Variants in NRXN1 observed in about 807,000 individuals in gnomAD.
The protein encoded by NRXN1 is neurexin-1.
A neutral mutation model predicts 150.9 loss-of-function variants in NRXN1; 39 were observed. The observed-to-expected ratio is 0.26, with a 90% CI of 0.20 to 0.34. The LOEUF (loss-of-function observed/expected upper bound fraction) is 0.34. Ranked by LOEUF, NRXN1 falls within the 10% of genes least tolerant of loss-of-function variation. The pLI, the probability that NRXN1 is intolerant of heterozygous loss-of-function variation, is 1.00. For missense variants in NRXN1, 1,815 were observed against 1,949.9 expected (o/e 0.93, Z 1.30); for synonymous variants, 924 against 757.0 (o/e 1.22, Z -3.62).
intron 17 of NRXN1, among the ~76,000 whole-genome samples, chr2:50,450,396 G>C (rs1205322244): frequency 6.6e-6 from 1 of 151,160 alleles, no homozygotes; most frequent in Non-Finnish European, 1.5e-5. Flanking sequence ...TTAAACACCA[G>C]GCATGGTTGG....
intron 5 of NRXN1, among the ~76,000 whole-genome samples, chr2:50,700,678 T>C (rs1375888499): frequency 1.3e-5 from 2 of 148,998 alleles, no homozygotes; most frequent in South Asian, 2.2e-4. Context: ...GTAGGGCATA[T>C]CTTGGAGTTA....
chr2:50,833,258 G>T (rs991600508), intron 5 of NRXN1, among the ~76,000 whole-genome samples: 1 of 152,084 alleles, frequency 6.6e-6, no homozygotes, highest in African/African-American at 2.4e-5. Context: ...AGTTCCTCTG[G>T]AAAACAGTTT....
rs569118351 is a variant in NRXN1, at chr2:50,070,727, G to C, written c.3719-15683C>G. Among the ~76,000 whole-genome samples, 5 of 132,798 alleles carry C rather than the reference G, an allele frequency of 3.8e-5. 1 individual carries two copies. The South Asian group carries it at 1.2e-3, about 32-fold the overall frequency. 87.1% of individuals were successfully genotyped at this position (132,798 alleles called of 152,430 possible). Reference sequence around the variant, plus strand: ...GGAGCTTGCAGTGAGCCGAGATCCCGCCACTGCACTCCAGCCTGGGCGACA... The same window carrying C: ...GGAGCTTGCAGTGAGCCGAGATCCCCCCACTGCACTCCAGCCTGGGCGACA... On this transcript the variant is annotated intron_variant, in intron 19 of 22. Transcript: ENST00000401669.
At chr2:50,710,949 TA>T (rs959203592) in intron 5 of NRXN1, among the ~76,000 whole-genome samples, 34 of 152,148 alleles carry the variant, frequency 2.2e-4, no homozygotes, top group Non-Finnish European at 1.9e-4. Flanking sequence ...AGTAAAACCT[TA>T]AAAAAATTTA....
chr2:50,960,505 T>G (rs1575061167), intron 2 of NRXN1, among the ~76,000 whole-genome samples: 1 of 151,986 alleles, frequency 6.6e-6, no homozygotes, highest in South Asian at 2.1e-4. Flanking sequence ...AAATAAGCAC[T>G]GTGGTAAACC....
intron 5 of NRXN1, among the ~76,000 whole-genome samples, chr2:50,773,101 T>C (rs972930768): frequency 6.6e-6 from 1 of 152,176 alleles, no homozygotes; most frequent in African/African-American, 2.4e-5. Flanking sequence ...CCTAATTTCC[T>C]TTCCCACTCA....
chr2:50,520,203 A>C (rs1441672331), intron 12 of NRXN1, among the ~76,000 whole-genome samples: 1 of 151,946 alleles, frequency 6.6e-6, no homozygotes, highest in Non-Finnish European at 1.5e-5. Context: ...TTAGCCTCCA[A>C]ATATGAATAC....
At chr2:50,576,243 C>T (rs1181896392) in intron 8 of NRXN1, among the ~76,000 whole-genome samples, 1 of 152,028 alleles carries the variant, frequency 6.6e-6, no homozygotes, top group Non-Finnish European at 1.5e-5. Flanking sequence ...ATGGCTTATA[C>T]AATTAGTGTT....
chr2:50,927,368 G>C (rs1031450322), intron 2 of NRXN1, among the ~76,000 whole-genome samples: 1 of 151,868 alleles, frequency 6.6e-6, no homozygotes, highest in Non-Finnish European at 1.5e-5. Context: ...GCTAAATGTG[G>C]GTAATAACAT....
At chr2:50,005,162 C>T (rs1420948947) in intron 21 of NRXN1, among the ~76,000 whole-genome samples, 1 of 152,030 alleles carries the variant, frequency 6.6e-6, no homozygotes, top group East Asian at 1.9e-4. Context: ...AATTACCAAC[C>T]AATAGATCAT....
chr2:50,614,208 G>A (rs1678660379), intron 8 of NRXN1, among the ~76,000 whole-genome samples: 1 of 152,092 alleles, frequency 6.6e-6, no homozygotes, highest in Non-Finnish European at 1.5e-5. Flanking sequence ...TAGAGGAAAT[G>A]AAAACCTGGG....
intron 21 of NRXN1, among the ~76,000 whole-genome samples, chr2:50,003,833 A>G (rs1332966270): frequency 1.3e-5 from 2 of 152,192 alleles, no homozygotes; most frequent in African/African-American, 2.4e-5. Flanking sequence ...ACTGATAGAC[A>G]TAAAATAAGA....
At chr2:50,279,705 C>T (rs2071143000) in intron 17 of NRXN1, among the ~76,000 whole-genome samples, 1 of 148,042 alleles carries the variant, frequency 6.8e-6, no homozygotes, top group African/African-American at 2.4e-5. Flanking sequence ...GTTTATAGAC[C>T]ACTTTGAAAG....
intron 3 of NRXN1, among the ~76,000 whole-genome samples, chr2:50,924,624 T>C (rs1233668238): frequency 6.6e-6 from 1 of 151,728 alleles, no homozygotes; most frequent in Non-Finnish European, 1.5e-5. Context: ...AATATATCAT[T>C]TTTATCAAGT....
At chr2:50,202,196 G>A (rs2062219314) in intron 18 of NRXN1, among the ~76,000 whole-genome samples, 1 of 152,160 alleles carries the variant, frequency 6.6e-6, no homozygotes, top group Admixed American at 6.6e-5. Flanking sequence ...CAGGAGTGGT[G>A]TATAGGAAGA....
At chr2:50,056,681 A>AT (rs992838146) in intron 19 of NRXN1, among the ~76,000 whole-genome samples, 1 of 151,796 alleles carries the variant, frequency 6.6e-6, no homozygotes, top group African/African-American at 2.4e-5. Context: ...CATATTTGGA[A>AT]TTTTTTTTTA....
chr2:50,649,251 T>TACACATAC (rs1284650257), intron 5 of NRXN1, among the ~76,000 whole-genome samples: 435 of 79,604 alleles, frequency 5.5e-3, no homozygotes, highest in African/African-American at 0.019. Context: ...TATACACACA[T>TACACATAC]ACACACATAC....
At chr2:50,119,302 A>G (rs770166389) in intron 18 of NRXN1, among the ~76,000 whole-genome samples, 1 of 152,252 alleles carries the variant, frequency 6.6e-6, no homozygotes, top group Admixed American at 6.5e-5. Context: ...AAATTTATTC[A>G]CTTTCTTATG....
intron 22 of NRXN1, among the ~76,000 whole-genome samples, chr2:49,939,411 A>G (rs1393368157): frequency 8.5e-5 from 13 of 152,210 alleles, no homozygotes; most frequent in East Asian, 5.8e-4. Flanking sequence ...CTGGGGTTCA[A>G]TTAGCCCTCC....
Sources: allele counts gnomAD v4.1 joint callset (sites outside exome capture counted in the v4.1 genomes callset), GRCh38; gene constraint gnomAD v4.1.1; transcripts MANE v1.5; gene names NCBI Gene and HGNC (gene_info 2026-07-23, HGNC 2026-07-21).